DLC1: variants seen among roughly 807,000 people sequenced by gnomAD.
DLC1 encodes DLC1 Rho GTPase activating protein.
Under a neutral mutation model 140.3 loss-of-function variants are expected in DLC1, and 54 were observed. The ratio of observed to expected loss-of-function variants is 0.38; its 90% CI spans 0.31 to 0.48. The LOEUF (loss-of-function observed/expected upper bound fraction) is 0.48, where lower values mean the gene tolerates loss of function less well. Ranked by LOEUF, DLC1 falls within the 20% of genes least tolerant of loss-of-function variation. DLC1 has a pLI of 0.96. For synonymous variants in DLC1, 986 were observed against 728.1 expected, an observed-to-expected ratio of 1.35 and a Z score of -5.70; for missense variants, 2,536 against 1,907.0, an observed-to-expected ratio of 1.33 and a Z score of -6.14.
intron 5 of DLC1, among the ~76,000 whole-genome samples, chr8:13,289,825 C>A (rs1052012561): frequency 2.0e-5 from 3 of 152,152 alleles, no homozygotes; most frequent in African/African-American, 7.2e-5. Flanking sequence ...TGTACAGCCC[C>A]ATTCTCTTTT....
chr8:13,216,387 G>A (rs546669824), intron 5 of DLC1, among the ~76,000 whole-genome samples: 2 of 152,218 alleles, frequency 1.3e-5, no homozygotes, highest in South Asian at 2.1e-4. Context: ...TTAAAATCCA[G>A]TTCTTCTGAG....
At chr8:13,095,025 G>A in intron 11 of DLC1, 61 bp downstream of exon 11, 2 of 1,613,568 alleles carry the variant, frequency 1.2e-6, no homozygotes, top group Non-Finnish European at 1.7e-6. Context: ...CACACAACTA[G>A]AAGAAGCTGC....
chr8:13,389,287 T>C (rs893682482), intron 4 of DLC1, among the ~76,000 whole-genome samples: 4 of 152,082 alleles, frequency 2.6e-5, no homozygotes, highest in Non-Finnish European at 5.9e-5. Context: ...TTAAAACCTT[T>C]CGTGAAACAA....
chr8:13,588,797 G>T (rs1348411883), intron 1 of DLC1, among the ~76,000 whole-genome samples: 1 of 152,058 alleles, frequency 6.6e-6, no homozygotes, highest in African/African-American at 2.4e-5. Flanking sequence ...ACTAGGAGAA[G>T]CATAGGGGCT....
chr8:13,427,397 C>G (rs1331794388), intron 2 of DLC1, among the ~76,000 whole-genome samples: 1 of 152,198 alleles, frequency 6.6e-6, no homozygotes, highest in Non-Finnish European at 1.5e-5. Context: ...TTTCTCCTTT[C>G]CTTGACCCTG....
At chr8:13,315,587 G>T (rs1274864784) in intron 4 of DLC1, among the ~76,000 whole-genome samples, 1 of 152,168 alleles carries the variant, frequency 6.6e-6, no homozygotes, top group Non-Finnish European at 1.5e-5. Flanking sequence ...TGATAACATG[G>T]TAACTATTCT....
At chr8:13,091,471 T>C (rs771830363) in intron 13 of DLC1, 39 bp from the exon 14 acceptor site, 3 of 1,543,586 alleles carry the variant, frequency 1.9e-6, no homozygotes, top group South Asian at 1.2e-5. Flanking sequence ...AGTTCAAATA[T>C]TTATATATTT....
intron 4 of DLC1, among the ~76,000 whole-genome samples, chr8:13,345,400 T>C (rs1227806296): frequency 6.6e-6 from 1 of 151,662 alleles, no homozygotes; most frequent in Non-Finnish European, 1.5e-5. Flanking sequence ...CTTGAATCAA[T>C]AGATAAAGGT....
intron 2 of DLC1, among the ~76,000 whole-genome samples, chr8:13,440,607 G>A (rs1563348353): frequency 6.6e-6 from 1 of 151,882 alleles, no homozygotes; most frequent in South Asian, 2.1e-4. Flanking sequence ...AGTAGGCCAT[G>A]GTAGTTGATA....
intron 2 of DLC1, among the ~76,000 whole-genome samples, chr8:13,468,347 C>T (rs1800044270): frequency 9.6e-6 from 1 of 104,022 alleles, no homozygotes; most frequent in African/African-American, 3.5e-5. Flanking sequence ...CATTCCCCTC[C>T]CCTCCCCTCC....
At chr8:13,212,796 C>T (rs1828009567) in intron 5 of DLC1, among the ~76,000 whole-genome samples, 4 of 152,088 alleles carry the variant, frequency 2.6e-5, no homozygotes, top group African/African-American at 9.6e-5. Context: ...TCAATATCAC[C>T]ATATAACAGC....
At chr8:13,290,143 G>C (rs1831703398) in intron 5 of DLC1, among the ~76,000 whole-genome samples, 1 of 152,146 alleles carries the variant, frequency 6.6e-6, no homozygotes, top group Non-Finnish European at 1.5e-5. Flanking sequence ...CTTTTTGGTA[G>C]TCATCGAGTG....
chr8:13,545,604 T>C (rs1165829877), intron 1 of DLC1, among the ~76,000 whole-genome samples: 1 of 152,120 alleles, frequency 6.6e-6, no homozygotes, highest in Admixed American at 6.6e-5. Context: ...GTAATATACT[T>C]TGTCAGTTCT....
intron 2 of DLC1, among the ~76,000 whole-genome samples, chr8:13,498,244 G>GT (rs1055326096): frequency 2.6e-5 from 4 of 152,144 alleles, no homozygotes; most frequent in African/African-American, 9.7e-5. Flanking sequence ...ACTCACTACA[G>GT]TTTTTGGAAA....
intron 2 of DLC1, among the ~76,000 whole-genome samples, chr8:13,467,453 C>CTT (rs10671511): frequency 0.8 from 119,034 of 149,466 alleles, 48,774 homozygotes; most frequent in Middle Eastern, 0.92. Flanking sequence ...TCTTATATTC[C>CTT]TTTTTTTTTC....
intron 5 of DLC1, among the ~76,000 whole-genome samples, chr8:13,286,218 A>T (rs1320167059): frequency 6.6e-6 from 1 of 152,192 alleles, no homozygotes; most frequent in Admixed American, 6.5e-5. Context: ...AAACCATCAG[A>T]ATCCTCAATC....
At chr8:13,573,217 G>T (rs1410006703) in intron 1 of DLC1, among the ~76,000 whole-genome samples, 1 of 151,912 alleles carries the variant, frequency 6.6e-6, no homozygotes, top group African/African-American at 2.4e-5. Flanking sequence ...TTATTCTTTT[G>T]GTTGCCATTG....
intron 5 of DLC1, among the ~76,000 whole-genome samples, chr8:13,283,954 G>A (rs773472989): frequency 3.9e-5 from 6 of 152,118 alleles, no homozygotes; most frequent in Non-Finnish European, 7.4e-5. Context: ...GGCTGAACAC[G>A]GATTGCCACC....
Position 13,114,674 on chromosome 8 carries a change from T to C in DLC1, c.1420+912A>G, listed in dbSNP as rs146117238. ...ACACGTGACCAATGAAAGATTAGTA[T>C]TTAGAATAAAAAGAGCCCTTATAAA... On this transcript the variant is annotated intron_variant, in intron 6 of 17. Coordinates refer to ENST00000276297, the MANE Select transcript of DLC1 (RefSeq NM_182643.3). Among the ~76,000 whole-genome samples, 22 of 152,242 alleles carry C rather than the reference T, an allele frequency of 1.4e-4. No individual in the cohort carries two copies. The East Asian group carries it at 3.9e-3, about 27-fold the overall frequency.
Sources: allele counts gnomAD v4.1 joint callset (sites outside exome capture counted in the v4.1 genomes callset), GRCh38; gene constraint gnomAD v4.1.1; transcripts MANE v1.5; gene names NCBI Gene and HGNC (gene_info 2026-07-23, HGNC 2026-07-21).